Variants in PARP11 observed in about 807,000 individuals in gnomAD.
PARP11 encodes the protein poly(ADP-ribose) polymerase family member 11.
A neutral mutation model predicts 42.9 loss-of-function variants in PARP11; 31 were observed. That is an observed-to-expected ratio of 0.72 (90% CI 0.54 to 0.98). The LOEUF is 0.98. Among genes scored for constraint, PARP11 ranks in the 50% least tolerant of loss-of-function variants. The probability of loss-of-function intolerance (pLI) is 0.00; values close to 1 mark genes in which losing one functional copy is unlikely to be tolerated. For synonymous variants in PARP11, 137 were observed against 127.3 expected, an observed-to-expected ratio of 1.08 and a Z score of -0.51; for missense variants, 365 against 413.1, an observed-to-expected ratio of 0.88 and a Z score of 1.01.
chr12:3,843,212 G>A (rs1315431548), intron 1 of PARP11, among the ~76,000 whole-genome samples: 1 of 152,178 alleles, frequency 6.6e-6, no homozygotes, highest in Admixed American at 6.5e-5. Flanking sequence ...AGATTGCACA[G>A]AAGTATAGTA....
chr12:3,838,175 G>T (rs1947804302), intron 1 of PARP11, among the ~76,000 whole-genome samples: 1 of 150,698 alleles, frequency 6.6e-6, no homozygotes, highest in South Asian at 2.1e-4. Context: ...ATCAACACAT[G>T]AAATATTCTT....
At position 3,809,823 on chromosome 12, in the gene PARP11, T is replaced by C. The variant is rs1947133466; in HGVS notation, c.*2300A>G. 6.6e-6 allele frequency: 1 copy of C among 152,222 alleles called. No homozygotes were observed. Among genetic ancestry groups the C allele is most frequent in the Admixed American group, 6.5e-5 (1 of 15,290 alleles). The allele number at this position is 152,222 out of a possible 1,614,324, so 9.4% of individuals were successfully genotyped here. A position where few individuals can be genotyped will look rare whatever the true frequency, so the allele number is the denominator to read the frequency against. ...AGCAGCCTAGTGACTTTGTCTCCAATTATTTTCATGATAATCTCTAGATGC... is the reference window on the plus strand; with the variant it reads ...AGCAGCCTAGTGACTTTGTCTCCAACTATTTTCATGATAATCTCTAGATGC... On this transcript the variant is annotated 3_prime_UTR_variant, in exon 8 of 8. Coordinates refer to ENST00000228820, the MANE Select transcript of PARP11 (RefSeq NM_020367.6).
At chr12:3,846,467 A>G (rs1947998130) in intron 1 of PARP11, among the ~76,000 whole-genome samples, 1 of 152,168 alleles carries the variant, frequency 6.6e-6, no homozygotes, top group Non-Finnish European at 1.5e-5. Flanking sequence ...AAAGAAATAG[A>G]AAACTTGGAT....
intron 1 of PARP11, among the ~76,000 whole-genome samples, chr12:3,832,451 C>A (rs1947662820): frequency 6.6e-6 from 1 of 152,186 alleles, no homozygotes; most frequent in Non-Finnish European, 1.5e-5. Context: ...CCTAAGTTAC[C>A]AAGCCCCACT....
intron 4 of PARP11, among the ~76,000 whole-genome samples, chr12:3,823,536 T>C (rs73251458): frequency 0.012 from 1,850 of 152,348 alleles, 44 homozygotes; most frequent in African/African-American, 0.042. Context: ...AATGAATGAA[T>C]GCATTCTATT....
At chr12:3,842,730 GTTT>G (rs1037410730) in intron 1 of PARP11, among the ~76,000 whole-genome samples, 3 of 152,142 alleles carry the variant, frequency 2.0e-5, no homozygotes, top group Non-Finnish European at 4.4e-5. Flanking sequence ...TTCAGAATCT[GTTT>G]ATCTATCAAG....
rs953294542 is a variant in PARP11 at position 3,809,513 on chromosome 12, A to C, written c.*2610T>G. 6.6e-6 allele frequency: 1 copy of C among 151,726 alleles called. No individual in the cohort carries two copies. Among genetic ancestry groups the C allele is most frequent in the African/African-American group, 2.4e-5 (1 of 41,274 alleles). The allele number at this position is 151,726 out of a possible 1,614,324, so 9.4% of individuals were successfully genotyped here. ...CGTTCGCAGAGATTGCCTCACAGAT[A>C]CTTAGCTCTGGGTTCCTAGTCACCT... On this transcript the variant is annotated 3_prime_UTR_variant, in exon 8 of 8. Transcript: ENST00000228820.
chr12:3,836,754 G>C (rs1321153578), intron 1 of PARP11, among the ~76,000 whole-genome samples: 1 of 152,162 alleles, frequency 6.6e-6, no homozygotes, highest in Non-Finnish European at 1.5e-5. Flanking sequence ...TATTATGTAG[G>C]GAGAGACAGT....
chr12:3,811,316 T>A lies in PARP11; in HGVS notation c.*807A>T, dbSNP rs980508130. The A allele has an allele frequency of 6.6e-5, 10 of 152,190 alleles. No homozygotes were observed. The highest frequency in any genetic ancestry group is 2.2e-4 in the African/African-American group (9 of 41,434). The allele number at this position is 152,190 out of a possible 1,614,324, so 9.4% of individuals were successfully genotyped here. A position where few individuals can be genotyped will look rare whatever the true frequency, so the allele number is the denominator to read the frequency against. On this transcript the variant is annotated 3_prime_UTR_variant, in exon 8 of 8. Coordinates refer to ENST00000228820, the MANE Select transcript of PARP11 (RefSeq NM_020367.6). ...CTTTTTAAAACAAAAGGAAAATAAA[T>A]GTTTGAATAATAATTTAAAGTTTCA...
intron 6 of PARP11, among the ~76,000 whole-genome samples, chr12:3,818,676 C>T (rs1947337571): frequency 6.6e-6 from 1 of 152,202 alleles, no homozygotes; most frequent in South Asian, 2.1e-4. Flanking sequence ...TGATGTCTAC[C>T]AACCTTGCCT....
At chr12:3,833,823 G>A (rs1222392201) in intron 1 of PARP11, among the ~76,000 whole-genome samples, 2 of 152,008 alleles carry the variant, frequency 1.3e-5, no homozygotes, top group Non-Finnish European at 1.5e-5. Context: ...CTCTACCTGC[G>A]GTATATGTAC....
At chr12:3,867,241 CTGAG>C (rs1166404240) in intron 1 of PARP11, among the ~76,000 whole-genome samples, 1 of 152,130 alleles carries the variant, frequency 6.6e-6, no homozygotes, top group Non-Finnish European at 1.5e-5. Context: ...CTGATTATAA[CTGAG>C]TGTTGAAGGA....
chr12:3,848,667 T>C (rs190813858), intron 1 of PARP11, among the ~76,000 whole-genome samples: 1 of 152,212 alleles, frequency 6.6e-6, no homozygotes, highest in Admixed American at 6.5e-5. Flanking sequence ...TCAAAATGAA[T>C]TAAAGACTTA....
chr12:3,842,073 T>C (rs1947900447), intron 1 of PARP11: 1 of 1,609,336 alleles, frequency 6.2e-7, no homozygotes. Context: ...CCACTCAGAT[T>C]CTAAACAGAG....
chr12:3,855,399 A>C (rs1299715935), intron 1 of PARP11, among the ~76,000 whole-genome samples: 1 of 152,246 alleles, frequency 6.6e-6, no homozygotes, highest in Non-Finnish European at 1.5e-5. Flanking sequence ...GTCTCAGCCC[A>C]AAATCTCCTT....
chr12:3,870,068 T>C (rs1384350498), intron 1 of PARP11, among the ~76,000 whole-genome samples: 1 of 152,258 alleles, frequency 6.6e-6, no homozygotes, highest in Non-Finnish European at 1.5e-5. Flanking sequence ...TTAAAAGTTA[T>C]TAATTGTTCA....
At chr12:3,814,876 T>C (rs1947254860) in intron 6 of PARP11, 3 of 263,782 alleles carry the variant, frequency 1.1e-5, no homozygotes, top group Non-Finnish European at 1.5e-5. Context: ...AAAAATAATA[T>C]TGAATGTAAA....
chr12:3,814,931 T>A lies in PARP11; in HGVS notation c.549-743A>T, dbSNP rs1026056630. 9.7e-6 allele frequency: 4 copies of A among 414,012 alleles called. No homozygotes were observed. The Admixed American group carries it at 1.1e-4, about 12-fold the overall frequency. The allele number at this position is 414,012 out of a possible 1,614,324, so 25.6% of individuals were successfully genotyped here. A position where few individuals can be genotyped will look rare whatever the true frequency, so the allele number is the denominator to read the frequency against. ...ATAGAGAACTCAAAATAATACTGTG[T>A]ATTATGTAGGTATACATACACAGGT... On this transcript the variant is annotated intron_variant, in intron 6 of 7. Coordinates refer to ENST00000228820, the MANE Select transcript of PARP11 (RefSeq NM_020367.6).
At chr12:3,841,778 GA>G in intron 1 of PARP11, 1 of 1,612,030 alleles carries the variant, frequency 6.2e-7, no homozygotes, top group South Asian at 1.1e-5. Flanking sequence ...CCTTTTCAGG[GA>G]TTCATAGAAA....
Sources: gnomAD v4.1 joint callset for allele counts (sites outside exome capture counted in the v4.1 genomes callset) on GRCh38, gnomAD v4.1.1 for gene constraint, MANE v1.5 for transcripts, NCBI Gene and HGNC (gene_info 2026-07-23, HGNC 2026-07-21) for gene names.